KCMF1: variants seen among roughly 807,000 people sequenced by gnomAD.
KCMF1 encodes E3 ubiquitin-protein ligase KCMF1.
A neutral mutation model predicts 41.1 loss-of-function variants in KCMF1; 3 were observed. The observed-to-expected ratio is 0.07, with a 90% CI of 0.03 to 0.19. KCMF1 has a LOEUF of 0.19. Ranked by LOEUF, KCMF1 falls within the 10% of genes least tolerant of loss-of-function variation. The probability of loss-of-function intolerance (pLI) is 1.00; values close to 1 mark genes in which losing one functional copy is unlikely to be tolerated. For missense variants in KCMF1, 286 were observed against 488.9 expected (o/e 0.58, Z 3.91); for synonymous variants, 142 against 164.5 (o/e 0.86, Z 1.04).
intron 1 of KCMF1, among the ~76,000 whole-genome samples, chr2:85,005,261 A>T (rs1674439067): frequency 6.6e-6 from 1 of 151,322 alleles, no homozygotes; most frequent in African/African-American, 2.4e-5. Context: ...TAGGGTACGT[A>T]CATGGTGATA....
intron 1 of KCMF1, among the ~76,000 whole-genome samples, chr2:84,977,145 T>G (rs1673569116): frequency 6.6e-6 from 1 of 152,028 alleles, no homozygotes; most frequent in Non-Finnish European, 1.5e-5. Flanking sequence ...TCCCAGAGTG[T>G]TGGGATTACA....
chr2:85,036,080 T>A (rs1004208719), intron 3 of KCMF1, among the ~76,000 whole-genome samples: 1 of 152,216 alleles, frequency 6.6e-6, no homozygotes, highest in Admixed American at 6.5e-5. Context: ...TCTACTTAAC[T>A]CTGCTACAGC....
chr2:85,014,951 G>C (rs1674735161), intron 1 of KCMF1, among the ~76,000 whole-genome samples: 1 of 151,828 alleles, frequency 6.6e-6, no homozygotes, highest in Non-Finnish European at 1.5e-5. Flanking sequence ...CTTACTCCTA[G>C]AGGTATTTGG....
chr2:85,014,185 C>G (rs1445020421), intron 1 of KCMF1: 1 of 152,150 alleles, frequency 6.6e-6, no homozygotes, highest in East Asian at 1.9e-4. Context: ...GCACCTGCCT[C>G]AAGAGTAATT....
intron 2 of KCMF1, among the ~76,000 whole-genome samples, chr2:85,028,831 A>G (rs550822254): frequency 2.4e-4 from 37 of 152,176 alleles, no homozygotes; most frequent in African/African-American, 7.2e-4. Context: ...CATCTTAATC[A>G]TAGTTTACTT....
In KCMF1 at chr2:85,055,815, T is replaced by A. The variant is rs975126490; in HGVS notation, c.*2406T>A. ...TGGAGACAAAATCAAAATATACCAC[T>A]GTTTATTTTGGCAGCACCTTCAAAT... On this transcript the variant is annotated 3_prime_UTR_variant, in exon 7 of 7. Coordinates refer to ENST00000409785, the MANE Select transcript of KCMF1 (RefSeq NM_020122.5). The A allele has an allele frequency of 6.6e-6, 1 of 152,176 alleles. No homozygotes were observed. The highest frequency in any genetic ancestry group is 1.5e-5 in the Non-Finnish European group (1 of 68,016). 9.4% of individuals were successfully genotyped at this position (152,176 alleles called of 1,614,324 possible). A position where few individuals can be genotyped will look rare whatever the true frequency, so the allele number is the denominator to read the frequency against.
At chr2:85,022,820 A>G (rs1674976732) in intron 1 of KCMF1, among the ~76,000 whole-genome samples, 1 of 150,478 alleles carries the variant, frequency 6.6e-6, no homozygotes, top group African/African-American at 2.4e-5. Context: ...TTTTCCTTTT[A>G]TAGTTTTACT....
chr2:85,044,658 A>C lies in KCMF1; in HGVS notation c.426+993A>C, dbSNP rs1457508137. ...CAGCCTCCCAAAGTGCTGGGATTAC[A>C]GGCATGAACCACTGCGCCTGGCCAA... On this transcript the variant is annotated intron_variant, in intron 4 of 6. Transcript: ENST00000409785. Among the ~76,000 whole-genome samples the C allele has an allele frequency of 2.6e-5, 4 of 152,210 alleles. No individual in the cohort carries two copies. In the East Asian group the frequency reaches 7.7e-4, roughly 29 times the overall value.
At chr2:85,023,530 C>T (rs1401668155) in intron 1 of KCMF1, among the ~76,000 whole-genome samples, 1 of 151,826 alleles carries the variant, frequency 6.6e-6, no homozygotes. Flanking sequence ...ACCGTGTTAG[C>T]CAGGATGGTG....
chr2:84,982,420 T>TTTTTTG (rs1673787659), intron 1 of KCMF1, among the ~76,000 whole-genome samples: 2 of 128,074 alleles, frequency 1.6e-5, no homozygotes, highest in African/African-American at 6.1e-5. Context: ...TTTTTTTTTT[T>TTTTTTG]TTGAGCCAGT....
At chr2:85,016,295 C>T (rs371100181) in intron 1 of KCMF1, among the ~76,000 whole-genome samples, 195 of 152,184 alleles carry the variant, frequency 1.3e-3, no homozygotes, top group African/African-American at 4.4e-3. Context: ...TCTCGATACC[C>T]CATTTCTCTC....
At chr2:85,040,768 C>CTTT (rs142252238) in intron 3 of KCMF1, among the ~76,000 whole-genome samples, 6 of 142,590 alleles carry the variant, frequency 4.2e-5, no homozygotes, top group African/African-American at 1.5e-4. Flanking sequence ...TTTTTCTTTT[C>CTTT]TTTTTTTTTT....
In KCMF1 at chr2:84,976,340, C is replaced by T. The variant is rs540552055; in HGVS notation, c.16+4873C>T. Reference sequence around the variant, plus strand: ...TCCTGCCTCAGCCTCCCGAGTAGCTCGGATTATAGGCACCTGCCACTGCTA... The same window carrying T: ...TCCTGCCTCAGCCTCCCGAGTAGCTTGGATTATAGGCACCTGCCACTGCTA... On this transcript the variant is annotated intron_variant, in intron 1 of 6. Transcript: ENST00000409785. Among the ~76,000 whole-genome samples the T allele has an allele frequency of 1.6e-3, 246 of 151,640 alleles. 1 individual carries two copies. Among genetic ancestry groups the T allele is most frequent in the African/African-American group, 5.5e-3 (228 of 41,366 alleles).
chr2:84,982,389 CTTTTTTTT>C (rs34687477), intron 1 of KCMF1, among the ~76,000 whole-genome samples: 2,528 of 46,838 alleles, frequency 0.054, 3 homozygotes, highest in East Asian at 0.3. Flanking sequence ...TCCTTATTTT[CTTTTTTTT>C]TTTTTTTTTT....
At chr2:85,038,004 A>G (rs971316045) in intron 3 of KCMF1, among the ~76,000 whole-genome samples, 3 of 152,228 alleles carry the variant, frequency 2.0e-5, no homozygotes, top group African/African-American at 7.2e-5. Flanking sequence ...TATTAATACT[A>G]TTTCAAGTTT....
chr2:85,012,712 G>A (rs1674680974), intron 1 of KCMF1, among the ~76,000 whole-genome samples: 1 of 152,196 alleles, frequency 6.6e-6, no homozygotes, highest in Non-Finnish European at 1.5e-5. Context: ...CAGTGCTAGA[G>A]TATTCTCTAT....
intron 1 of KCMF1, among the ~76,000 whole-genome samples, chr2:85,008,062 C>T (rs973840735): frequency 2.2e-4 from 33 of 151,834 alleles, no homozygotes; most frequent in Non-Finnish European, 2.9e-4. Flanking sequence ...CGTGCCCAGC[C>T]GCTAGTTGTG....
intron 1 of KCMF1, among the ~76,000 whole-genome samples, chr2:85,015,204 C>T (rs1017044676): frequency 6.6e-6 from 1 of 151,672 alleles, no homozygotes; most frequent in South Asian, 2.1e-4. Flanking sequence ...ATTAATCCCC[C>T]CCGCTTTCCC....
chr2:85,014,746 TG>T (rs1186101665), intron 1 of KCMF1, among the ~76,000 whole-genome samples: 2 of 151,346 alleles, frequency 1.3e-5, no homozygotes, highest in African/African-American at 4.9e-5. Flanking sequence ...TGTGTGTGTG[TG>T]TTTTTAAATA....
Sources: allele counts gnomAD v4.1 joint callset (sites outside exome capture counted in the v4.1 genomes callset), GRCh38; gene constraint gnomAD v4.1.1; transcripts MANE v1.5; gene names NCBI Gene and HGNC (gene_info 2026-07-23, HGNC 2026-07-21).